Variants in NOS1 observed in about 807,000 individuals in gnomAD.
NOS1 encodes the protein NOS type I.
A neutral mutation model predicts 164.5 loss-of-function variants in NOS1; 51 were observed. The ratio of observed to expected loss-of-function variants is 0.31; its 90% CI spans 0.25 to 0.39. The LOEUF (loss-of-function observed/expected upper bound fraction) is 0.39, where lower values mean the gene tolerates loss of function less well. Ranked by LOEUF, NOS1 falls within the 10% of genes least tolerant of loss-of-function variation. The pLI is 1.00. For missense variants in NOS1, 1,362 were observed against 1,885.6 expected (o/e 0.72, Z 5.14); for synonymous variants, 719 against 745.8 (o/e 0.96, Z 0.59).
At chr12:117,280,229 TGACA>T (rs1170951089) in intron 8 of NOS1, among the ~76,000 whole-genome samples, 1 of 152,198 alleles carries the variant, frequency 6.6e-6, no homozygotes, top group Non-Finnish European at 1.5e-5. Context: ...GTGATGCTGG[TGACA>T]GACAAAGTCA....
intron 1 of NOS1, among the ~76,000 whole-genome samples, chr12:117,336,703 G>A (rs186839810): frequency 3.3e-4 from 50 of 152,244 alleles, no homozygotes; most frequent in South Asian, 1.5e-3. Context: ...ACATCTCCAC[G>A]ATGTTTACTG....
chr12:117,296,684 C>G (rs918511026), intron 3 of NOS1, among the ~76,000 whole-genome samples: 4 of 152,092 alleles, frequency 2.6e-5, no homozygotes, highest in African/African-American at 7.2e-5. Flanking sequence ...TCTATTAATT[C>G]TGTCCCTCTA....
chr12:117,358,590 C>T (rs951255943), intron 1 of NOS1, among the ~76,000 whole-genome samples: 2 of 152,180 alleles, frequency 1.3e-5, no homozygotes, highest in Non-Finnish European at 2.9e-5. Context: ...TACATCATCA[C>T]AGAGTCTTCA....
chr12:117,233,636 G>A (rs1869449443), intron 21 of NOS1, among the ~76,000 whole-genome samples: 1 of 151,618 alleles, frequency 6.6e-6, no homozygotes, highest in African/African-American at 2.4e-5. Context: ...ATGAAACCCT[G>A]TCTCTACTAA....
At chr12:117,254,675 G>C (rs1871310136) in intron 16 of NOS1, among the ~76,000 whole-genome samples, 1 of 152,114 alleles carries the variant, frequency 6.6e-6, no homozygotes, top group African/African-American at 2.4e-5. Context: ...AACCTCCCTA[G>C]GTGATTCTGA....
intron 28 of NOS1, among the ~76,000 whole-genome samples, chr12:117,217,827 G>A (rs1956635535): frequency 6.6e-6 from 1 of 152,220 alleles, no homozygotes; most frequent in African/African-American, 2.4e-5. Flanking sequence ...GGTTCCCCTG[G>A]AGAATTAGTT....
At chr12:117,267,247 GC>G (rs1298655022) in intron 11 of NOS1, among the ~76,000 whole-genome samples, 1 of 152,186 alleles carries the variant, frequency 6.6e-6, no homozygotes, top group Non-Finnish European at 1.5e-5. Context: ...TCCTAGTGAT[GC>G]CCATTGTCCT....
intron 6 of NOS1, among the ~76,000 whole-genome samples, chr12:117,285,628 A>G (rs191058701): frequency 3.2e-4 from 49 of 152,256 alleles, no homozygotes; most frequent in African/African-American, 1.2e-3. Flanking sequence ...GGCTGGTTAC[A>G]TTTTCTGTTA....
At chr12:117,344,932 T>C (rs1339166097) in intron 1 of NOS1, among the ~76,000 whole-genome samples, 1 of 152,210 alleles carries the variant, frequency 6.6e-6, no homozygotes, top group East Asian at 1.9e-4. Flanking sequence ...AGGAAAGGAC[T>C]TGCCTAAGAT....
chr12:117,219,595 C>T (rs1385217512), intron 27 of NOS1, among the ~76,000 whole-genome samples: 1 of 152,208 alleles, frequency 6.6e-6, no homozygotes, highest in African/African-American at 2.4e-5. Flanking sequence ...GCGTGAGCCA[C>T]CGAGCCCAGC....
At chr12:117,249,583 A>C (rs920823162) in intron 17 of NOS1, among the ~76,000 whole-genome samples, 7 of 152,212 alleles carry the variant, frequency 4.6e-5, no homozygotes, top group Admixed American at 4.6e-4. Context: ...CACATCAAAC[A>C]GGTTCTTCTA....
In NOS1 at chr12:117,356,261, C is replaced by G. The variant is rs965963479; in HGVS notation, c.-421+5251G>C. ...GTCACAGAATCCACAAGTGCCCAAG[C>G]TGGCCTCTGACGTTTCCTAAGATGA... On this transcript the variant is annotated intron_variant, in intron 1 of 28. Transcript: ENST00000317775. The surrounding 1 kb of genome is among the most constrained non-coding windows in gnomAD (Gnocchi z 4.2). Among the ~76,000 whole-genome samples, 4 of 152,196 alleles carry G rather than the reference C, an allele frequency of 2.6e-5. No homozygotes were observed. Among genetic ancestry groups the G allele is most frequent in the Non-Finnish European group, 2.9e-5 (2 of 68,030 alleles).
rs766042298 is a variant in NOS1, at chr12:117,331,099, A to T, written c.-30T>A. The T allele has an allele frequency of 4.1e-4, 650 of 1,583,134 alleles. No individual in the cohort carries two copies. Among genetic ancestry groups the T allele is most frequent in the Non-Finnish European group, 5.5e-4 (639 of 1,163,036 alleles). On this transcript the variant is annotated 5_prime_UTR_variant, in exon 2 of 29. Transcript: ENST00000317775. Reference sequence around the variant, plus strand: ...ACTAGCTTCCGAGGGGTCCTGTCTGAAGACCTCACAATGCTATCAGGCCAA... The same window carrying T: ...ACTAGCTTCCGAGGGGTCCTGTCTGTAGACCTCACAATGCTATCAGGCCAA...
chr12:117,243,508 G>T lies in NOS1; in HGVS notation c.2824-73C>A. 6.5e-7 allele frequency: 1 copy of T among 1,536,496 alleles called. No individual in the cohort carries two copies. Among genetic ancestry groups the T allele is most frequent in the Non-Finnish European group, 8.9e-7 (1 of 1,126,170 alleles). On this transcript the variant is annotated intron_variant, in intron 18 of 28. Coordinates refer to ENST00000317775, the MANE Select transcript of NOS1 (RefSeq NM_000620.5). This position sits in a 1 kb window ranked among gnomAD's most constrained non-coding sequence, Gnocchi z 4.3. ...CTCCTCTCCAACAGCTCCAAGTCATGGCATGTATCTCTTCATTCACCCATC... is the reference window on the plus strand; with the variant it reads ...CTCCTCTCCAACAGCTCCAAGTCATTGCATGTATCTCTTCATTCACCCATC...
intron 18 of NOS1, among the ~76,000 whole-genome samples, chr12:117,244,364 C>T (rs1203580696): frequency 6.6e-6 from 1 of 152,218 alleles, no homozygotes; most frequent in Non-Finnish European, 1.5e-5. Context: ...TCTCATGCCT[C>T]AGCCTCCCAG....
At chr12:117,236,116 C>A (rs551338741) in intron 20 of NOS1, among the ~76,000 whole-genome samples, 1 of 152,170 alleles carries the variant, frequency 6.6e-6, no homozygotes, top group African/African-American at 2.4e-5. Context: ...TCACCCAACA[C>A]CTGCAAACTC....
intron 2 of NOS1, among the ~76,000 whole-genome samples, chr12:117,328,396 T>C (rs188578199): frequency 6.6e-6 from 1 of 152,270 alleles, no homozygotes; most frequent in Non-Finnish European, 1.5e-5. Context: ...TTCGAACTCC[T>C]GACCTCAGGT....
chr12:117,234,753 G>A lies in NOS1; in HGVS notation c.3047C>T (p.Ser1016Leu). The part of the protein sequence containing the change: ...QNLQSPKSSR[S>L]TIFVRLHTNG... ...GGTGTGGAGACGCACGAAGATAGTT[G>A]ACCGACTGCAGGAAATTGCAGAGGA... The change falls in exon 21 of 29, where the codon TCA (serine) becomes TTA (leucine). Residue 1016 changes from serine (S) to leucine (L), a missense_variant. This residue lies in a region of NOS1 where 737 missense variants were observed against 1,030.3 expected (regional missense o/e 0.72). Coordinates refer to ENST00000317775, the MANE Select transcript of NOS1 (RefSeq NM_000620.5). The surrounding 1 kb of genome is among the most constrained non-coding windows in gnomAD (Gnocchi z 4.3). 1.3e-5 allele frequency: 21 copies of A among 1,607,314 alleles called. No individual in the cohort carries two copies. The highest frequency in any genetic ancestry group is 1.7e-5 in the Non-Finnish European group (20 of 1,174,888).
intron 16 of NOS1, among the ~76,000 whole-genome samples, chr12:117,255,631 C>G (rs988109218): frequency 6.6e-6 from 1 of 152,170 alleles, no homozygotes; most frequent in Non-Finnish European, 1.5e-5. Flanking sequence ...AATAACAGCA[C>G]GTGCATTTGT....
Sources: allele counts gnomAD v4.1 joint callset (sites outside exome capture counted in the v4.1 genomes callset), GRCh38; gene constraint gnomAD v4.1.1; regional missense constraint gnomAD v4.1.1; non-coding constraint Gnocchi (gnomAD v3.1); transcripts MANE v1.5; gene names NCBI Gene and HGNC (gene_info 2026-07-23, HGNC 2026-07-21).